The following MEF2A variants were observed in gnomAD, a reference collection of about 807,000 sequenced individuals.
The protein encoded by MEF2A is myocyte enhancer factor 2A.
MEF2A carries 28 observed loss-of-function variants against 55.8 expected under a neutral mutation model. The ratio of observed to expected loss-of-function variants is 0.50; its 90% CI spans 0.37 to 0.69. The LOEUF (loss-of-function observed/expected upper bound fraction) is 0.69, where lower values mean the gene tolerates loss of function less well. Ranked by LOEUF, MEF2A falls within the 30% of genes least tolerant of loss-of-function variation. The pLI is 0.00. For synonymous variants in MEF2A, 239 were observed against 227.1 expected, an observed-to-expected ratio of 1.05 and a Z score of -0.47; for missense variants, 528 against 626.2, an observed-to-expected ratio of 0.84 and a Z score of 1.67.
chr15:99,635,102 G>A (rs1320701406), intron 3 of MEF2A, among the ~76,000 whole-genome samples: 2 of 152,156 alleles, frequency 1.3e-5, no homozygotes, highest in Non-Finnish European at 2.9e-5. Flanking sequence ...ACTGTGTTAG[G>A]TCCTGGAAAC....
intron 2 of MEF2A, among the ~76,000 whole-genome samples, chr15:99,621,869 T>A (rs182934244): frequency 6.6e-6 from 1 of 152,158 alleles, no homozygotes; most frequent in African/African-American, 2.4e-5. Context: ...TTAAAAAAAA[T>A]TTTAATGTGT....
chr15:99,678,553 G>A (rs1234989327), intron 7 of MEF2A: 20 of 597,698 alleles, frequency 3.3e-5, no homozygotes, highest in South Asian at 1.5e-4. Flanking sequence ...TTTCAAATAC[G>A]TAATTTGTTT....
chr15:99,700,376 G>T (rs951857651), intron 8 of MEF2A, among the ~76,000 whole-genome samples: 2 of 151,546 alleles, frequency 1.3e-5, no homozygotes, highest in South Asian at 4.2e-4. Context: ...GTCGAGTGTG[G>T]TAGGATGCCC....
chr15:99,623,536 A>C (rs149793329), intron 2 of MEF2A, among the ~76,000 whole-genome samples: 9 of 152,228 alleles, frequency 5.9e-5, no homozygotes, highest in Non-Finnish European at 8.8e-5. Flanking sequence ...CAAGTGTTCC[A>C]GTTTTCCACA....
intron 4 of MEF2A, among the ~76,000 whole-genome samples, chr15:99,652,606 A>C (rs1337122188): frequency 5.9e-5 from 9 of 152,164 alleles, no homozygotes; most frequent in Non-Finnish European, 1.2e-4. Flanking sequence ...TACTGTGAAG[A>C]GTGGAATAGC....
intron 1 of MEF2A, among the ~76,000 whole-genome samples, chr15:99,589,670 A>G (rs1968589903): frequency 6.6e-6 from 1 of 152,160 alleles, no homozygotes; most frequent in Middle Eastern, 3.4e-3. Flanking sequence ...GCTTTACCCT[A>G]TATAATCTAA....
intron 4 of MEF2A, among the ~76,000 whole-genome samples, chr15:99,655,014 A>G (rs1158093313): frequency 1.3e-5 from 2 of 152,158 alleles, no homozygotes; most frequent in African/African-American, 4.8e-5. Context: ...TACTGTTTAA[A>G]TCGCTTGCCT....
At chr15:99,630,708 C>T (rs1324963858) in intron 2 of MEF2A, among the ~76,000 whole-genome samples, 1 of 152,156 alleles carries the variant, frequency 6.6e-6, no homozygotes, top group Non-Finnish European at 1.5e-5. Context: ...GAGTAGTTGG[C>T]CCGGATTGCC....
Position 99,712,682 on chromosome 15 carries a change from T to G in MEF2A, c.1429T>G (p.Ser477Ala). 6.4e-7 allele frequency: 1 copy of G among 1,560,684 alleles called. No homozygotes were observed. The change falls in exon 12 of 12, where the codon TCT (serine) becomes GCT (alanine). Residue 477 changes from serine (S) to alanine (A), a missense_variant. Ser to Ala is a moderately conservative substitution (Grantham distance 99). Around this residue, in one of 2 missense-constraint regions of MEF2A, gnomAD observed 450 missense variants for 475.3 expected, o/e 0.95. Transcript: ENST00000557942. The surrounding 1 kb of genome is among the most constrained non-coding windows in gnomAD (Gnocchi z 4.1). The stretch of plus-strand genomic sequence containing the variant: ...GGAGGATCCACGGGGCGACTTCCAT[T>G]CTCCAATTGTGCTTGGCCGACCCCC... ...DREDPRGDFH[S>A]PIVLGRPPNT...
chr15:99,622,803 T>C lies in MEF2A; in HGVS notation c.-142-10175T>C, dbSNP rs529628308. 3.5e-3 allele frequency among the ~76,000 whole-genome samples: 518 copies of C among 149,982 alleles called. 1 individual carries two copies. Among genetic ancestry groups the C allele is most frequent in the African/African-American group, 0.012 (487 of 41,262 alleles). ...CTGCAAGCTCCGCCTCCCGGGTTCA[T>C]GCCATTCTCCTGCCTCAGCCTCCCT... On this transcript the variant is annotated intron_variant, in intron 2 of 11. Coordinates refer to ENST00000557942, the MANE Select transcript of MEF2A (RefSeq NM_001319206.4).
intron 1 of MEF2A, among the ~76,000 whole-genome samples, chr15:99,576,740 A>G (rs949400480): frequency 2.6e-5 from 4 of 151,440 alleles, no homozygotes; most frequent in Non-Finnish European, 5.9e-5. Context: ...TCCCAGGTTC[A>G]CGCCATTCTC....
intron 2 of MEF2A, among the ~76,000 whole-genome samples, chr15:99,599,336 C>G (rs1466823004): frequency 6.6e-6 from 1 of 152,028 alleles, no homozygotes; most frequent in Admixed American, 6.6e-5. Flanking sequence ...TATTAGATAT[C>G]ATTGATCCAG....
chr15:99,652,865 G>A (rs377661722), intron 4 of MEF2A, among the ~76,000 whole-genome samples: 17 of 152,238 alleles, frequency 1.1e-4, no homozygotes, highest in African/African-American at 2.6e-4. Context: ...GATGTTTGTC[G>A]TACTATGTAC....
intron 4 of MEF2A, among the ~76,000 whole-genome samples, chr15:99,663,374 T>C (rs1371277009): frequency 6.6e-6 from 1 of 152,086 alleles, no homozygotes. Flanking sequence ...TATACGGAAA[T>C]GGACTGCACT....
At chr15:99,647,231 A>G (rs1397655166) in intron 4 of MEF2A, among the ~76,000 whole-genome samples, 1 of 150,860 alleles carries the variant, frequency 6.6e-6, no homozygotes, top group East Asian at 1.9e-4. Context: ...TCATTCAGGT[A>G]AGCTTTGTTA....
chr15:99,569,953 C>T (rs1478068653), intron 1 of MEF2A, among the ~76,000 whole-genome samples: 1 of 151,720 alleles, frequency 6.6e-6, no homozygotes, highest in Non-Finnish European at 1.5e-5. Flanking sequence ...GTAAATCTTA[C>T]ACATAGCACA....
chr15:99,649,493 T>G (rs1443120177), intron 4 of MEF2A, among the ~76,000 whole-genome samples: 1 of 152,194 alleles, frequency 6.6e-6, no homozygotes, highest in Non-Finnish European at 1.5e-5. Flanking sequence ...ATTTTATCTT[T>G]TCAAGTTATT....
At position 99,602,946 on chromosome 15, in the gene MEF2A, G is replaced by A. The variant is rs191276459; in HGVS notation, c.-143+4435G>A. Among the ~76,000 whole-genome samples the A allele has an allele frequency of 3.3e-5, 5 of 152,160 alleles. No individual in the cohort carries two copies. The East Asian group carries it at 9.6e-4, about 29-fold the overall frequency. On this transcript the variant is annotated intron_variant, in intron 2 of 11. Coordinates refer to ENST00000557942, the MANE Select transcript of MEF2A (RefSeq NM_001319206.4). ...TAAGCTTTAGTTGTTTGTTTTTCAA[G>A]GAATTTGTCTATTTTATGTAAGTTG... is the stretch of plus-strand genomic sequence containing the variant.
In MEF2A at chr15:99,706,617, C is replaced by T. The variant is rs145594878; in HGVS notation, c.883-112C>T. On this transcript the variant is annotated intron_variant, in intron 9 of 11. Coordinates refer to ENST00000557942, the MANE Select transcript of MEF2A (RefSeq NM_001319206.4). ...TGAAGTTTTCACATCATCAGTGCTTCAGAAAATGACATTCATATGAAACTG... is the reference window on the plus strand; with the variant it reads ...TGAAGTTTTCACATCATCAGTGCTTTAGAAAATGACATTCATATGAAACTG... 7.4e-6 allele frequency: 9 copies of T among 1,214,148 alleles called. No homozygotes were observed. The African/African-American group carries it at 1.0e-4, about 14-fold the overall frequency. 75.2% of individuals were successfully genotyped at this position (1,214,148 alleles called of 1,614,324 possible).
Sources: gnomAD v4.1 joint callset for allele counts (sites outside exome capture counted in the v4.1 genomes callset) on GRCh38, gnomAD v4.1.1 for gene constraint, gnomAD v4.1.1 regional missense constraint, Gnocchi (gnomAD v3.1) non-coding constraint, MANE v1.5 for transcripts, NCBI Gene and HGNC (gene_info 2026-07-23, HGNC 2026-07-21) for gene names.